The following DTHD1 variants were observed in gnomAD, a reference collection of about 807,000 sequenced individuals.
The protein encoded by DTHD1 is death domain-containing protein 1.
DTHD1 carries 59 observed loss-of-function variants against 74.8 expected under a neutral mutation model. The observed-to-expected ratio is 0.79, with a 90% CI of 0.64 to 0.98. DTHD1 has a LOEUF of 0.98. Ranked by LOEUF, DTHD1 falls within the 50% of genes least tolerant of loss-of-function variation. The pLI, the probability that DTHD1 is intolerant of heterozygous loss-of-function variation, is 0.00. For synonymous variants in DTHD1, 365 were observed against 371.1 expected (o/e 0.98, Z 0.19); for missense variants, 1,051 against 1,065.4 (o/e 0.99, Z 0.19).
chr4:36,314,588 G>A (rs1757595546), intron 7 of DTHD1, among the ~76,000 whole-genome samples: 1 of 151,854 alleles, frequency 6.6e-6, no homozygotes, highest in Non-Finnish European at 1.5e-5. Flanking sequence ...AGGCTGAGAT[G>A]GGAGGACAGC....
chr4:36,337,055 C>T (rs1471185292), intron 8 of DTHD1, among the ~76,000 whole-genome samples: 2 of 152,084 alleles, frequency 1.3e-5, no homozygotes, highest in Non-Finnish European at 2.9e-5. Flanking sequence ...GGAGACCGCA[C>T]GAGGCCAAAT....
intron 8 of DTHD1, among the ~76,000 whole-genome samples, chr4:36,320,533 G>C (rs1303543121): frequency 6.6e-6 from 1 of 152,162 alleles, no homozygotes; most frequent in Non-Finnish European, 1.5e-5. Flanking sequence ...TAGGCCATCT[G>C]TGCTTTCTTT....
chr4:36,328,521 C>G (rs572164760), intron 8 of DTHD1, among the ~76,000 whole-genome samples: 45 of 152,272 alleles, frequency 3.0e-4, no homozygotes, highest in Non-Finnish European at 7.4e-5. Context: ...TAAGCACGCG[C>G]AAATACTTAA....
At position 36,345,247 on chromosome 4, in the gene DTHD1, A is replaced by T. The variant is rs897670235; in HGVS notation, c.*1423A>T. The T allele has an allele frequency of 1.3e-5, 2 of 152,198 alleles. No individual in the cohort carries two copies. Among genetic ancestry groups the T allele is most frequent in the Admixed American group, 6.5e-5 (1 of 15,268 alleles). The allele number at this position is 152,198 out of a possible 1,614,324, so 9.4% of individuals were successfully genotyped here. On this transcript the variant is annotated 3_prime_UTR_variant, in exon 10 of 10. Coordinates refer to ENST00000639862, the MANE Select transcript of DTHD1 (RefSeq NM_001170700.3). ...TGAAAGAAAAAATTAAAACTTATCT[A>T]AACCCCTCTTTCTATTGATAATCGC...
intron 1 of DTHD1, among the ~76,000 whole-genome samples, chr4:36,283,622 C>A (rs1755524004): frequency 6.6e-6 from 1 of 152,162 alleles, no homozygotes; most frequent in Non-Finnish European, 1.5e-5. Context: ...AAGAAGAGTT[C>A]TCAAAATCAT....
At chr4:36,312,986 C>A (rs1757490092) in intron 7 of DTHD1, among the ~76,000 whole-genome samples, 1 of 152,132 alleles carries the variant, frequency 6.6e-6, no homozygotes, top group African/African-American at 2.4e-5. Context: ...AGAGGTAGAG[C>A]TGGTGGGGAA....
chr4:36,334,143 G>T (rs1758860280), intron 8 of DTHD1, among the ~76,000 whole-genome samples: 1 of 152,088 alleles, frequency 6.6e-6, no homozygotes, highest in Admixed American at 6.6e-5. Context: ...TTATAGGGGT[G>T]CTAGTTGATA....
At chr4:36,331,663 A>G (rs1041966748) in intron 8 of DTHD1, among the ~76,000 whole-genome samples, 9 of 152,218 alleles carry the variant, frequency 5.9e-5, no homozygotes, top group African/African-American at 1.9e-4. Flanking sequence ...TATCACAATA[A>G]TAACCTATTA....
rs73229057 is a variant in DTHD1, at chr4:36,307,053, G to A, written c.1805+701G>A. Among the ~76,000 whole-genome samples the A allele has an allele frequency of 6.9e-3, 1,052 of 152,314 alleles. 2 individuals carry two copies. The highest frequency in any genetic ancestry group is 0.013 in the Non-Finnish European group (853 of 68,026). ...AGCTCTGCAGTGCGAGTACCAAGGC[G>A]GCTGGCCTTACATCCCCACATTGGT... is the stretch of plus-strand genomic sequence containing the variant. On this transcript the variant is annotated intron_variant, in intron 6 of 9. Coordinates refer to ENST00000639862, the MANE Select transcript of DTHD1 (RefSeq NM_001170700.3).
chr4:36,308,144 A>G (rs1757164280), intron 6 of DTHD1, 60 bp from the exon 7 acceptor site: 2 of 1,440,188 alleles, frequency 1.4e-6, no homozygotes, highest in East Asian at 2.5e-5. Context: ...GTTATTAGAT[A>G]TCAGTGATGT....
rs201684570 is a variant in DTHD1 at position 36,290,521 on chromosome 4, G to C, written c.1036G>C (p.Val346Leu). 1.9e-6 allele frequency: 3 copies of C among 1,551,474 alleles called. No homozygotes were observed. Among genetic ancestry groups the C allele is most frequent in the Non-Finnish European group, 1.7e-6 (2 of 1,146,980 alleles). Residue 346 changes from valine (V) to leucine (L), a missense_variant, in exon 3 of 10, where the codon GTC (valine) becomes CTC (leucine). By Grantham distance (32) the Val-to-Leu change is conservative (BLOSUM62 1). Transcript: ENST00000639862. ...VGDNEELVSN[V>L]ITIECSDKEK... Reference sequence around the variant, plus strand: ...TGATAATGAAGAGTTAGTTAGCAACGTCATAACTATTGAATGCTCAGATAA... The same window carrying C: ...TGATAATGAAGAGTTAGTTAGCAACCTCATAACTATTGAATGCTCAGATAA...
At chr4:36,286,883 C>A (rs1009495449) in intron 2 of DTHD1, among the ~76,000 whole-genome samples, 1 of 152,220 alleles carries the variant, frequency 6.6e-6, no homozygotes, top group Middle Eastern at 3.4e-3. Context: ...TTTTTAAGAC[C>A]ACCATTATAT....
At chr4:36,296,639 T>C (rs965820507) in intron 5 of DTHD1, among the ~76,000 whole-genome samples, 1 of 152,160 alleles carries the variant, frequency 6.6e-6, no homozygotes, top group African/African-American at 2.4e-5. Context: ...TAATCTTCCT[T>C]TGATATTTTT....
chr4:36,332,223 AAAATAAAATAAAATAAAAT>A lies in DTHD1; in HGVS notation c.2341-6885_2341-6867del. Among the ~76,000 whole-genome samples the A allele has an allele frequency of 5.5e-5, 4 of 73,288 alleles. No individual in the cohort carries two copies. In the South Asian group the frequency reaches 1.4e-3, roughly 26 times the overall value. The allele number at this position is 73,288 out of a possible 152,430, so 48.1% of individuals were successfully genotyped here. A position where few individuals can be genotyped will look rare whatever the true frequency, so the allele number is the denominator to read the frequency against. ...AAAATAAAATAAAATAAAATAAAATAAAATAAAATAAAATAAAATAAAATAAAATAAAATAATAATATTG... is the reference window on the plus strand; with the variant it reads ...AAAATAAAATAAAATAAAATAAAATAAAAATAAAATAAAATAATAATATTG... On this transcript the variant is annotated intron_variant, in intron 8 of 9. Coordinates refer to ENST00000639862, the MANE Select transcript of DTHD1 (RefSeq NM_001170700.3).
chr4:36,312,449 A>G (rs1440912915), intron 7 of DTHD1, among the ~76,000 whole-genome samples: 1 of 152,124 alleles, frequency 6.6e-6, no homozygotes, highest in Non-Finnish European at 1.5e-5. Flanking sequence ...GCAAATAAGT[A>G]AATAAAATGC....
intron 2 of DTHD1, 42 bp from the exon 3 acceptor site, chr4:36,290,331 A>T: frequency 6.6e-7 from 1 of 1,504,004 alleles, no homozygotes; most frequent in Non-Finnish European, 8.9e-7. Flanking sequence ...AAAGTACATA[A>T]ATCAAATAAT....
intron 8 of DTHD1, among the ~76,000 whole-genome samples, chr4:36,317,638 A>G (rs1471905490): frequency 6.6e-6 from 1 of 152,230 alleles, no homozygotes; most frequent in Non-Finnish European, 1.5e-5. Context: ...ATCTCAAATT[A>G]TATGTCTATG....
chr4:36,285,519 G>A (rs980922093), intron 2 of DTHD1, among the ~76,000 whole-genome samples: 3 of 151,964 alleles, frequency 2.0e-5, no homozygotes, highest in Non-Finnish European at 4.4e-5. Context: ...AAAAAAGTGA[G>A]AAAGACCAAT....
At chr4:36,295,628 A>C (rs930390581) in intron 5 of DTHD1, among the ~76,000 whole-genome samples, 6 of 152,150 alleles carry the variant, frequency 3.9e-5, no homozygotes, top group Non-Finnish European at 8.8e-5. Context: ...AGAGAGCATC[A>C]TCCTGATATT....
Sources: allele counts gnomAD v4.1 joint callset (sites outside exome capture counted in the v4.1 genomes callset), GRCh38; gene constraint gnomAD v4.1.1; transcripts MANE v1.5; gene names NCBI Gene and HGNC (gene_info 2026-07-23, HGNC 2026-07-21).